RBBP8: variants seen among roughly 807,000 people sequenced by gnomAD.
RBBP8 encodes the protein RB binding protein 8, endonuclease.
Under a neutral mutation model 108.3 loss-of-function variants are expected in RBBP8, and 88 were observed. The observed-to-expected ratio is 0.81, with a 90% confidence interval of 0.68 to 0.97. The LOEUF is 0.97. Among genes scored for constraint, RBBP8 ranks in the 50% least tolerant of loss-of-function variants. The pLI, the probability that RBBP8 is intolerant of heterozygous loss-of-function variation, is 0.00. For missense variants in RBBP8, 1,023 were observed against 1,049.0 expected, an observed-to-expected ratio of 0.98 and a Z score of 0.34; for synonymous variants, 332 against 348.2, an observed-to-expected ratio of 0.95 and a Z score of 0.52.
upstream of RBBP8, among the ~76,000 whole-genome samples, chr18:22,932,650 T>C (rs1383305098): frequency 1.3e-5 from 2 of 152,248 alleles, no homozygotes; most frequent in East Asian, 3.8e-4. Context: ...GTCTATTTTG[T>C]TCATTTGTAG....
At chr18:22,966,908 A>G (rs1913654329) in intron 4 of RBBP8, among the ~76,000 whole-genome samples, 1 of 151,896 alleles carries the variant, frequency 6.6e-6, no homozygotes, top group Non-Finnish European at 1.5e-5. Flanking sequence ...TGTTTTTAGT[A>G]GAGATGAGGT....
At chr18:22,974,299 A>C (rs1439900631) in intron 5 of RBBP8, among the ~76,000 whole-genome samples, 1 of 152,204 alleles carries the variant, frequency 6.6e-6, no homozygotes, top group South Asian at 2.1e-4. Context: ...CAGATAGGAA[A>C]ATTTGGTGGA....
intron 2 of RBBP8, among the ~76,000 whole-genome samples, chr18:22,916,495 AC>A (rs1407313278): frequency 1.8e-4 from 27 of 152,192 alleles, no homozygotes; most frequent in Middle Eastern, 6.8e-3. Context: ...TTTTTTCACT[AC>A]CCTACATTGA....
At chr18:22,952,470 T>C (rs972402371) in intron 4 of RBBP8, among the ~76,000 whole-genome samples, 7 of 152,188 alleles carry the variant, frequency 4.6e-5, no homozygotes, top group African/African-American at 1.7e-4. Context: ...TCTTGACCAC[T>C]AACAATACCT....
chr18:22,971,139 G>A (rs1598684482), intron 5 of RBBP8, among the ~76,000 whole-genome samples: 1 of 81,072 alleles, frequency 1.2e-5, no homozygotes. Flanking sequence ...AGCATGCCAG[G>A]AGAGTCTTTA....
chr18:22,978,360 C>T (rs1914637763), intron 6 of RBBP8, among the ~76,000 whole-genome samples: 1 of 152,142 alleles, frequency 6.6e-6, no homozygotes, highest in African/African-American at 2.4e-5. Flanking sequence ...GACGTGAACT[C>T]TTTCTCTCAG....
intron 15 of RBBP8, among the ~76,000 whole-genome samples, chr18:23,005,538 G>A (rs1482775459): frequency 2.6e-5 from 4 of 151,940 alleles, no homozygotes; most frequent in African/African-American, 7.3e-5. Context: ...TCAGCCTCCC[G>A]AGTAGCTGGG....
intron 1 of RBBP8, among the ~76,000 whole-genome samples, chr18:22,935,589 A>G (rs1420843879): frequency 1.3e-5 from 2 of 151,984 alleles, no homozygotes; most frequent in African/African-American, 4.8e-5. Context: ...CTTCAGAATT[A>G]CTCTTTCAGC....
intron 16 of RBBP8, among the ~76,000 whole-genome samples, chr18:23,013,707 A>G (rs2046210140): frequency 6.6e-6 from 1 of 152,166 alleles, no homozygotes; most frequent in African/African-American, 2.4e-5. Context: ...CCTCGTGGCT[A>G]ATTTGTTAGT....
intron 5 of RBBP8, among the ~76,000 whole-genome samples, chr18:22,970,220 A>C (rs980986815): frequency 6.6e-6 from 1 of 152,114 alleles, no homozygotes; most frequent in Non-Finnish European, 1.5e-5. Context: ...TTTTTTTCCC[A>C]AATGTTTCCC....
At chr18:22,984,151 G>C (rs1175915310) in intron 7 of RBBP8, among the ~76,000 whole-genome samples, 1 of 151,890 alleles carries the variant, frequency 6.6e-6, no homozygotes, top group African/African-American at 2.4e-5. Context: ...AACTTCCCTT[G>C]CTTGCTTATT....
In RBBP8 at chr18:22,952,878, T is replaced by A. The variant is rs543861142; in HGVS notation, c.248+3165T>A. Among the ~76,000 whole-genome samples, 5 of 152,316 alleles carry A rather than the reference T, an allele frequency of 3.3e-5. No homozygotes were observed. In the South Asian group the frequency reaches 1.0e-3, roughly 32 times the overall value. On this transcript the variant is annotated intron_variant, in intron 4 of 18. Transcript: ENST00000327155. ...TCTCTCATTTCTACCATTACACCAC[T>A]TTCTACAAGCAGTGAGGTTGGAGTG... is the stretch of plus-strand genomic sequence containing the variant.
intron 14 of RBBP8, among the ~76,000 whole-genome samples, chr18:22,998,613 G>A (rs531345497): frequency 6.6e-6 from 1 of 152,246 alleles, no homozygotes; most frequent in Non-Finnish European, 1.5e-5. Context: ...ACATTCCCCA[G>A]TGATCATTTG....
intron 4 of RBBP8, among the ~76,000 whole-genome samples, chr18:22,954,245 T>C (rs1912306429): frequency 6.6e-6 from 1 of 152,220 alleles, no homozygotes; most frequent in Non-Finnish European, 1.5e-5. Context: ...AAGTCTCATC[T>C]GAGACAAGGC....
chr18:22,991,885 T>A (rs962802175), intron 10 of RBBP8, among the ~76,000 whole-genome samples: 10 of 152,228 alleles, frequency 6.6e-5, no homozygotes, highest in East Asian at 1.9e-4. Flanking sequence ...TATATGTATA[T>A]CACAGTCTGT....
At chr18:22,925,548 C>T (rs529645146) in intron 3 of RBBP8, among the ~76,000 whole-genome samples, 1 of 152,246 alleles carries the variant, frequency 6.6e-6, no homozygotes, top group African/African-American at 2.4e-5. Flanking sequence ...CTGTGAAGCA[C>T]ATAATTACAT....
At chr18:22,986,945 G>C (rs922695436) in intron 8 of RBBP8, among the ~76,000 whole-genome samples, 1 of 152,154 alleles carries the variant, frequency 6.6e-6, no homozygotes, top group Admixed American at 6.5e-5. Context: ...CTGCTGCCAG[G>C]TCTTTGCTCC....
At chr18:22,957,302 T>TC (rs1257245935) in intron 4 of RBBP8, among the ~76,000 whole-genome samples, 8 of 148,428 alleles carry the variant, frequency 5.4e-5, no homozygotes, top group Admixed American at 4.7e-4. Context: ...TTTTTTTTTT[T>TC]TTTTTTTTTG....
chr18:22,949,662 T>G lies in RBBP8; in HGVS notation c.197T>G (p.Leu66Arg). ...LEEFFTKNQQ[L>R]REQQKVLHET... ...GAATTCTTCACCAAAAATCAACAGC[T>G]GAGGGAACAGCAGAAAGTCCTTCAT... The change falls in exon 4 of 19, where the codon CTG becomes CGG. Residue 66 changes from leucine to arginine, a missense_variant. Coordinates refer to ENST00000327155, the MANE Select transcript of RBBP8 (RefSeq NM_002894.3). 3.7e-6 allele frequency: 6 copies of G among 1,613,588 alleles called. No homozygotes were observed. Among genetic ancestry groups the G allele is most frequent in the Non-Finnish European group, 5.1e-6 (6 of 1,179,722 alleles).
Sources: allele counts gnomAD v4.1 joint callset (sites outside exome capture counted in the v4.1 genomes callset), GRCh38; gene constraint gnomAD v4.1.1; transcripts MANE v1.5; gene names NCBI Gene and HGNC (gene_info 2026-07-23, HGNC 2026-07-21).